RIPK2: variants seen among roughly 807,000 people sequenced by gnomAD.
RIPK2 encodes the protein receptor interacting serine/threonine kinase 2.
RIPK2 carries 38 observed loss-of-function variants against 60.9 expected under a neutral mutation model. That is an observed-to-expected ratio of 0.62 (90% CI 0.48 to 0.82). The LOEUF (loss-of-function observed/expected upper bound fraction) is 0.82. Ranked by LOEUF, RIPK2 falls within the 40% of genes least tolerant of loss-of-function variation. The probability of loss-of-function intolerance (pLI) is 0.00; values close to 1 mark genes in which losing one functional copy is unlikely to be tolerated. For synonymous variants in RIPK2, 225 were observed against 223.4 expected, an observed-to-expected ratio of 1.01 and a Z score of -0.06; for missense variants, 518 against 647.0, an observed-to-expected ratio of 0.80 and a Z score of 2.16.
rs71268283 is a variant in RIPK2, at chr8:89,784,141, TAAAAAAAAAAAAA to T, written c.1029+13_1029+25del. 1 of 556,166 alleles carries T rather than the reference TAAAAAAAAAAAAA, an allele frequency of 1.8e-6. No homozygotes were observed. The highest frequency in any genetic ancestry group is 3.5e-5 in the South Asian group (1 of 28,262). The allele number at this position is 556,166 out of a possible 1,614,324, so 34.5% of individuals were successfully genotyped here. ...CCTGTAAATCATGGTCCACAAGAGG[TAAAAAAAAAAAAA>T]AAAAAAAAAAGGTTATATTAAACTC... On this transcript the variant is annotated splice_donor_5th_base_variant and intron_variant, in intron 8 of 10. Transcript: ENST00000220751.
Position 89,765,465 on chromosome 8 carries a change from A to G in RIPK2, c.452A>G (p.Asn151Ser). ...PLLHHDLKTQ[N>S]ILLDNEFHVK... is the part of the protein sequence containing the mutation. ...CTTCATCATGACTTGAAGACTCAGA[A>G]TATCTTATTGGACAATGAATTTCAT... The change falls in exon 3 of 11, where the codon AAT becomes AGT. Residue 151 changes from asparagine to serine, a missense_variant. By Grantham distance (46) the Asn-to-Ser change is conservative. Around this residue, in one of 3 missense-constraint regions of RIPK2, gnomAD observed 448 missense variants for 534.7 expected, o/e 0.84. Transcript: ENST00000220751. 1 of 1,593,934 alleles carries G rather than the reference A, an allele frequency of 6.3e-7. No individual in the cohort carries two copies. Among genetic ancestry groups the G allele is most frequent in the Non-Finnish European group, 8.6e-7 (1 of 1,162,764 alleles).
At chr8:89,759,576 T>C (rs1809111411) in intron 1 of RIPK2, 2 of 369,860 alleles carry the variant, frequency 5.4e-6, no homozygotes, top group Non-Finnish European at 1.1e-5. Flanking sequence ...CACAGGAGAT[T>C]TGGGACACTT....
Position 89,771,793 on chromosome 8 carries a change from A to G in RIPK2, c.691+3A>G. Reference sequence around the variant, plus strand: ...ATCCAGAAAACAGCCTTTTGAAGGTAAGTATGGTTTGACTTTTTTATGCTC... The same window carrying G: ...ATCCAGAAAACAGCCTTTTGAAGGTGAGTATGGTTTGACTTTTTTATGCTC... On this transcript the variant is annotated splice_donor_region_variant and intron_variant, in intron 5 of 10. Coordinates refer to ENST00000220751, the MANE Select transcript of RIPK2 (RefSeq NM_003821.6). 6.3e-7 allele frequency: 1 copy of G among 1,599,012 alleles called. No homozygotes were observed. Among genetic ancestry groups the G allele is most frequent in the Non-Finnish European group, 8.6e-7 (1 of 1,168,176 alleles).
chr8:89,768,873 A>G (rs112951617), intron 3 of RIPK2, among the ~76,000 whole-genome samples: 3,155 of 151,808 alleles, frequency 0.021, 122 homozygotes, highest in African/African-American at 0.073. Context: ...AACAATGGAA[A>G]CAAATGATGT....
rs918685804 is a variant in RIPK2, at chr8:89,781,722, T to C, written c.939+1562T>C. Among the ~76,000 whole-genome samples, 4 of 152,280 alleles carry C rather than the reference T, an allele frequency of 2.6e-5. No individual in the cohort carries two copies. The South Asian group carries it at 6.2e-4, about 24-fold the overall frequency. On this transcript the variant is annotated intron_variant, in intron 7 of 10. Transcript: ENST00000220751. ...AGACCCTGGTCAATGCCTGAAACCA[T>C]GGGTAGCACTGAACCCTATGTATAC...
intron 2 of RIPK2, 80 bp from the exon 3 acceptor site, chr8:89,765,261 G>A: frequency 1.0e-6 from 1 of 968,340 alleles, no homozygotes; most frequent in Non-Finnish European, 1.6e-6. Context: ...ATTTCCTCAT[G>A]GAATATTTAA....
At chr8:89,776,003 A>G (rs1033075990) in intron 6 of RIPK2, among the ~76,000 whole-genome samples, 1 of 152,206 alleles carries the variant, frequency 6.6e-6, no homozygotes, top group African/African-American at 2.4e-5. Context: ...TCTGCAGCCA[A>G]ATGGGCTTAG....
chr8:89,772,562 C>T, intron 5 of RIPK2, 105 bp from the exon 6 acceptor site: 1 of 810,614 alleles, frequency 1.2e-6, no homozygotes, highest in South Asian at 2.0e-5. Flanking sequence ...GGCATCATTC[C>T]TAAAATTTCA....
Position 89,790,672 on chromosome 8 carries a change from T to C in RIPK2, c.*256T>C. ...TTTTAAAGGATAGTAATTATTCTTG[T>C]TTATAACAGTGCCTTAAGGTATGAT... On this transcript the variant is annotated 3_prime_UTR_variant, in exon 11 of 11. Coordinates refer to ENST00000220751, the MANE Select transcript of RIPK2 (RefSeq NM_003821.6). 1 of 340,580 alleles carries C rather than the reference T, an allele frequency of 2.9e-6. No individual in the cohort carries two copies. The highest frequency in any genetic ancestry group is 5.4e-6 in the Non-Finnish European group (1 of 186,130). The allele number at this position is 340,580 out of a possible 1,614,324, so 21.1% of individuals were successfully genotyped here.
intron 1 of RIPK2, among the ~76,000 whole-genome samples, 171 bp from the exon 2 acceptor site, chr8:89,762,658 G>A (rs1358927034): frequency 6.6e-6 from 1 of 151,964 alleles, no homozygotes; most frequent in Non-Finnish European, 1.5e-5. Context: ...GAATATATAG[G>A]GTAGGTATTA....
chr8:89,781,029 C>T (rs1381196216), intron 7 of RIPK2, among the ~76,000 whole-genome samples: 1 of 150,714 alleles, frequency 6.6e-6, no homozygotes, highest in Non-Finnish European at 1.5e-5. Flanking sequence ...CTTACTTTGC[C>T]CTAATGAACT....
chr8:89,764,165 A>C (rs1207138329), intron 2 of RIPK2, among the ~76,000 whole-genome samples: 2 of 152,100 alleles, frequency 1.3e-5, no homozygotes, highest in African/African-American at 4.8e-5. Context: ...TTTTCAGAAA[A>C]AGTTACCTTT....
At chr8:89,785,982 T>C (rs1407371317) in intron 8 of RIPK2, among the ~76,000 whole-genome samples, 7 of 152,200 alleles carry the variant, frequency 4.6e-5, no homozygotes, top group African/African-American at 1.7e-4. Flanking sequence ...GACTTGCAGA[T>C]ACCAAATTTC....
At chr8:89,788,798 G>C (rs1038020649) in intron 9 of RIPK2, among the ~76,000 whole-genome samples, 1 of 148,236 alleles carries the variant, frequency 6.7e-6, no homozygotes, top group Non-Finnish European at 1.5e-5. Context: ...GAGAGACAGA[G>C]AGAGAGAGAG....
chr8:89,764,571 C>G (rs1809196105), intron 2 of RIPK2, among the ~76,000 whole-genome samples: 1 of 152,106 alleles, frequency 6.6e-6, no homozygotes, highest in Non-Finnish European at 1.5e-5. Flanking sequence ...TATGTTCATT[C>G]TCCTGGGAAG....
At chr8:89,761,609 C>G (rs902153580) in intron 1 of RIPK2, among the ~76,000 whole-genome samples, 15 of 151,918 alleles carry the variant, frequency 9.9e-5, no homozygotes, top group African/African-American at 3.4e-4. Context: ...AACTCAAAAA[C>G]TTTCAGTCAC....
intron 1 of RIPK2, among the ~76,000 whole-genome samples, chr8:89,759,972 G>A (rs1344962700): frequency 2.0e-5 from 3 of 152,094 alleles, no homozygotes; most frequent in South Asian, 4.1e-4. Context: ...CACTGAATTG[G>A]GTAGGAAATT....
Position 89,757,924 on chromosome 8 carries a change from C to A in RIPK2, c.-137C>A, listed in dbSNP as rs1809071141. ...TCCGGGGAATGGGCGCCCTCGTGAC[C>A]TAGTGTTGCGGGGCAAAAAGGGTCT... On this transcript the variant is annotated 5_prime_UTR_variant, in exon 1 of 11. Transcript: ENST00000220751. 1.4e-6 allele frequency: 2 copies of A among 1,401,536 alleles called. No homozygotes were observed. Among genetic ancestry groups the A allele is most frequent in the Non-Finnish European group, 9.3e-7 (1 of 1,080,920 alleles). The allele number at this position is 1,401,536 out of a possible 1,614,324, so 86.8% of individuals were successfully genotyped here.
chr8:89,771,690 T>G (rs1809313307), intron 4 of RIPK2, 51 bp from the exon 5 acceptor site: 1 of 1,265,842 alleles, frequency 7.9e-7, no homozygotes, highest in Admixed American at 2.1e-5. Context: ...TTTAGTTTAT[T>G]ATGCAGAGTT....
Sources: gnomAD v4.1 joint callset for allele counts (sites outside exome capture counted in the v4.1 genomes callset) on GRCh38, gnomAD v4.1.1 for gene constraint, gnomAD v4.1.1 regional missense constraint, MANE v1.5 for transcripts, NCBI Gene and HGNC (gene_info 2026-07-23, HGNC 2026-07-21) for gene names.